Variants in EIF4H observed in about 807,000 individuals in gnomAD.
EIF4H encodes the protein Williams-Beuren syndrome chromosome region 1.
Under a neutral mutation model 30.6 loss-of-function variants are expected in EIF4H, and 8 were observed. That is an observed-to-expected ratio of 0.26 (90% CI 0.15 to 0.47). The LOEUF (loss-of-function observed/expected upper bound fraction) is 0.47. Among genes scored for constraint, EIF4H ranks in the 20% least tolerant of loss-of-function variants. EIF4H has a pLI of 0.99. For missense variants in EIF4H, 188 were observed against 339.5 expected, an observed-to-expected ratio of 0.55 and a Z score of 3.51; for synonymous variants, 106 against 122.7, an observed-to-expected ratio of 0.86 and a Z score of 0.90.
chr7:74,176,618 T>C (rs1800847511), intron 1 of EIF4H, among the ~76,000 whole-genome samples: 1 of 152,210 alleles, frequency 6.6e-6, no homozygotes, highest in African/African-American at 2.4e-5. Flanking sequence ...AGGCCTAAAA[T>C]GAACAGTTAT....
At chr7:74,175,042 G>A (rs1441421240) in intron 1 of EIF4H, among the ~76,000 whole-genome samples, 2 of 152,248 alleles carry the variant, frequency 1.3e-5, no homozygotes, top group Admixed American at 1.3e-4. Flanking sequence ...ATCCATCGTA[G>A]CTTCTTTGTA....
intron 1 of EIF4H, among the ~76,000 whole-genome samples, chr7:74,182,459 G>A (rs550232826): frequency 2.6e-5 from 4 of 152,214 alleles, no homozygotes; most frequent in Admixed American, 6.5e-5. Context: ...CCGAAGTGCC[G>A]GGATTGCAGG....
Position 74,194,883 on chromosome 7 carries a change from G to A in EIF4H, c.607+5G>A, listed in dbSNP as rs1446356984. ...ATTTCAGAGAACCCACAGAAGGTAC[G>A]GGCTCATGTGTCAGTGGAGGGCATC... On this transcript the variant is annotated splice_donor_5th_base_variant and intron_variant, in intron 6 of 6. Transcript: ENST00000265753. The A allele has an allele frequency of 6.9e-6, 11 of 1,583,310 alleles. No individual in the cohort carries two copies. The highest frequency in any genetic ancestry group is 6.7e-5 in the African/African-American group (5 of 74,324).
At position 74,191,035 on chromosome 7, in the gene EIF4H, C is replaced by T. The variant is rs147104891; in HGVS notation, c.469+729C>T. 2.9e-3 allele frequency among the ~76,000 whole-genome samples: 446 copies of T among 152,282 alleles called. 1 individual carries two copies. Among genetic ancestry groups the T allele is most frequent in the Middle Eastern group, 0.01 (3 of 294 alleles). The stretch of plus-strand genomic sequence containing the variant: ...GCTGTCAATGCTGTGCTGTATAGAA[C>T]GTCAGCACCCTCCCCCCATCAAAAC... On this transcript the variant is annotated intron_variant, in intron 5 of 6. Transcript: ENST00000265753.
chr7:74,187,534 C>A, intron 1 of EIF4H, 77 bp from the exon 2 acceptor site: 1 of 1,385,622 alleles, frequency 7.2e-7, no homozygotes, highest in Non-Finnish European at 9.6e-7. Context: ...GGCGGCGTAG[C>A]TCAGCGGAAG....
intron 1 of EIF4H, among the ~76,000 whole-genome samples, chr7:74,182,487 G>A (rs1408032105): frequency 2.6e-5 from 4 of 152,180 alleles, no homozygotes; most frequent in East Asian, 1.9e-4. Context: ...CATGGCGTCC[G>A]GCCAGTCATT....
rs564794579 is a variant in EIF4H at position 74,186,788 on chromosome 7, ATT to A, written c.60-772_60-771del. Among the ~76,000 whole-genome samples, 14 of 70,122 alleles carry A rather than the reference ATT, an allele frequency of 2.0e-4. 4 individuals are homozygous for A. The highest frequency in any genetic ancestry group is 5.1e-4 in the Admixed American group (3 of 5,868). The allele number at this position is 70,122 out of a possible 152,430, so 46.0% of individuals were successfully genotyped here. A position where few individuals can be genotyped will look rare whatever the true frequency, so the allele number is the denominator to read the frequency against. ...GCCCATAATCAGGCAACAAGGAGAA[ATT>A]TTTTTTTTTTTTTTTTTTTTTTTTT... is the stretch of plus-strand genomic sequence containing the variant. On this transcript the variant is annotated intron_variant, in intron 1 of 6. Coordinates refer to ENST00000265753, the MANE Select transcript of EIF4H (RefSeq NM_022170.2).
chr7:74,190,169 C>A, intron 4 of EIF4H, 78 bp from the exon 5 acceptor site: 1 of 1,454,792 alleles, frequency 6.9e-7, no homozygotes, highest in Non-Finnish European at 9.6e-7. Flanking sequence ...AGTTGTATGT[C>A]TTCCAAATGA....
At chr7:74,181,833 C>A (rs1413477273) in intron 1 of EIF4H, among the ~76,000 whole-genome samples, 1 of 151,566 alleles carries the variant, frequency 6.6e-6, no homozygotes, top group African/African-American at 2.4e-5. Flanking sequence ...CACCACCCCT[C>A]AGCCTCCCGA....
At chr7:74,189,969 C>T in intron 4 of EIF4H, 51 bp downstream of exon 4, 1 of 1,589,984 alleles carries the variant, frequency 6.3e-7, no homozygotes, top group Middle Eastern at 1.7e-4. Context: ...AGTATGCCTA[C>T]CAATTCCAAC....
At chr7:74,190,187 C>T in intron 4 of EIF4H, 60 bp from the exon 5 acceptor site, 1 of 1,538,658 alleles carries the variant, frequency 6.5e-7, no homozygotes, top group Non-Finnish European at 9.0e-7. Flanking sequence ...TGAATTTTTC[C>T]ATGTTTGCGC....
chr7:74,192,154 G>C (rs904031651), intron 5 of EIF4H, among the ~76,000 whole-genome samples: 5 of 152,166 alleles, frequency 3.3e-5, no homozygotes, highest in Non-Finnish European at 7.3e-5. Context: ...TTTCACGCTA[G>C]ACATTGGTGG....
At chr7:74,189,530 A>G (rs1439409467) in intron 2 of EIF4H, 143 bp from the exon 3 acceptor site, 4 of 817,146 alleles carry the variant, frequency 4.9e-6, no homozygotes, top group Non-Finnish European at 7.6e-6. Flanking sequence ...TCAGGGTTCT[A>G]TCTATTGAAA....
intron 5 of EIF4H, among the ~76,000 whole-genome samples, chr7:74,193,117 C>T (rs1250590435): frequency 2.0e-5 from 3 of 152,208 alleles, no homozygotes; most frequent in Non-Finnish European, 2.9e-5. Context: ...TCATCCCACA[C>T]CGGTTTTGTC....
At chr7:74,186,082 C>T (rs574314018) in intron 1 of EIF4H, among the ~76,000 whole-genome samples, 3 of 152,284 alleles carry the variant, frequency 2.0e-5, no homozygotes, top group African/African-American at 7.2e-5. Flanking sequence ...TGTATACCGG[C>T]ACACATGCCC....
intron 1 of EIF4H, among the ~76,000 whole-genome samples, chr7:74,176,753 G>A (rs913732604): frequency 6.6e-6 from 1 of 152,194 alleles, no homozygotes; most frequent in Non-Finnish European, 1.5e-5. Flanking sequence ...AGCCTGTAAG[G>A]GCATGTCCCC....
At chr7:74,189,553 C>T in intron 2 of EIF4H, 120 bp from the exon 3 acceptor site, 1 of 1,090,666 alleles carries the variant, frequency 9.2e-7, no homozygotes, top group Non-Finnish European at 1.3e-6. Flanking sequence ...CTCTCCTAGT[C>T]TGCCATCATC....
At position 74,193,719 on chromosome 7, in the gene EIF4H, T is replaced by C. The variant is rs141334396; in HGVS notation, c.470-1022T>C. On this transcript the variant is annotated intron_variant, in intron 5 of 6. Transcript: ENST00000265753. ...CCTCTACCTTCCAGGTTCGAGCGAT[T>C]ATCCTGCCTCAGCCTCATGAGTAGC... Among the ~76,000 whole-genome samples, 4 of 152,214 alleles carry C rather than the reference T, an allele frequency of 2.6e-5. No individual in the cohort carries two copies. The East Asian group carries it at 7.7e-4, about 29-fold the overall frequency.
intron 1 of EIF4H, among the ~76,000 whole-genome samples, 199 bp from the exon 2 acceptor site, chr7:74,187,410 GAC>G (rs375409125): frequency 2.6e-4 from 40 of 152,294 alleles, no homozygotes; most frequent in African/African-American, 9.1e-4. Flanking sequence ...CAGCCTGGGT[GAC>G]AGAGTGACAG....
Sources: gnomAD v4.1 joint callset for allele counts (sites outside exome capture counted in the v4.1 genomes callset) on GRCh38, gnomAD v4.1.1 for gene constraint, MANE v1.5 for transcripts, NCBI Gene and HGNC (gene_info 2026-07-23, HGNC 2026-07-21) for gene names.